Variants in RAB6B observed in about 807,000 individuals in gnomAD.
RAB6B encodes the protein ras-related protein Rab-6B.
A neutral mutation model predicts 31.2 loss-of-function variants in RAB6B; 7 were observed. The observed-to-expected ratio is 0.22, with a 90% CI of 0.13 to 0.42. The LOEUF is 0.42. Among genes scored for constraint, RAB6B ranks in the 10% least tolerant of loss-of-function variants. The probability of loss-of-function intolerance (pLI) is 1.00; values close to 1 mark genes in which losing one functional copy is unlikely to be tolerated. For missense variants in RAB6B, 149 were observed against 280.6 expected (o/e 0.53, Z 3.35); for synonymous variants, 105 against 104.9 (o/e 1.00, Z -0.01).
intron 1 of RAB6B, 149 bp from the exon 2 acceptor site, chr3:133,864,791 G>T: frequency 1.3e-6 from 1 of 777,394 alleles, no homozygotes; most frequent in Non-Finnish European, 2.2e-6. Flanking sequence ...ACAGGCCCCT[G>T]CTAGGGACCC....
intron 1 of RAB6B, among the ~76,000 whole-genome samples, chr3:133,878,298 A>G (rs1384607747): frequency 6.6e-6 from 1 of 152,224 alleles, no homozygotes; most frequent in Non-Finnish European, 1.5e-5. Flanking sequence ...AGAAAAAAAG[A>G]CACATTATGT....
chr3:133,881,770 G>A (rs886670749), intron 1 of RAB6B, among the ~76,000 whole-genome samples: 2 of 152,284 alleles, frequency 1.3e-5, no homozygotes, highest in South Asian at 4.1e-4. Flanking sequence ...GGACCAGGCT[G>A]GCTACTTAAC....
chr3:133,828,094 A>T lies in RAB6B; in HGVS notation c.*694T>A. Reference sequence around the variant, plus strand: ...AGGCTTTTCAGGGAAAGAGAAGGAGAGGTGGGAGCAGTTCCTCTGGGGGCT... The same window carrying T: ...AGGCTTTTCAGGGAAAGAGAAGGAGTGGTGGGAGCAGTTCCTCTGGGGGCT... On this transcript the variant is annotated 3_prime_UTR_variant, in exon 8 of 8. Coordinates refer to ENST00000285208, the MANE Select transcript of RAB6B (RefSeq NM_016577.4). 3 of 658,478 alleles carry T rather than the reference A, an allele frequency of 4.6e-6. No individual in the cohort carries two copies. The highest frequency in any genetic ancestry group is 5.5e-6 in the Non-Finnish European group (2 of 360,908). 40.8% of individuals were successfully genotyped at this position (658,478 alleles called of 1,614,324 possible).
intron 2 of RAB6B, among the ~76,000 whole-genome samples, chr3:133,859,537 TAC>T (rs1196435484): frequency 1.3e-5 from 2 of 152,180 alleles, no homozygotes; most frequent in Non-Finnish European, 2.9e-5. Context: ...CTACCTCACC[TAC>T]ACCAGCAAAG....
intron 7 of RAB6B, among the ~76,000 whole-genome samples, chr3:133,833,748 C>G (rs1185799425): frequency 6.6e-6 from 1 of 152,132 alleles, no homozygotes; most frequent in Non-Finnish European, 1.5e-5. Flanking sequence ...AGGGACAGGT[C>G]CACTGTAAAG....
chr3:133,828,263 G>T lies in RAB6B; in HGVS notation c.*525C>A. 1 of 469,576 alleles carries T rather than the reference G, an allele frequency of 2.1e-6. No individual in the cohort carries two copies. Among genetic ancestry groups the T allele is most frequent in the Non-Finnish European group, 3.8e-6 (1 of 262,358 alleles). 29.1% of individuals were successfully genotyped at this position (469,576 alleles called of 1,614,324 possible). ...ACCAATGTTTGATTTAACTGGAGTA[G>T]GGCCTAGAGAGTGGGGCCAGATGGC... On this transcript the variant is annotated 3_prime_UTR_variant, in exon 8 of 8. Transcript: ENST00000285208.
chr3:133,861,321 G>T (rs1242965934), intron 2 of RAB6B, among the ~76,000 whole-genome samples: 1 of 152,230 alleles, frequency 6.6e-6, no homozygotes, highest in Non-Finnish European at 1.5e-5. Context: ...GATGGGCAGG[G>T]TGTTGAGAGG....
chr3:133,885,623 A>C lies in RAB6B; in HGVS notation c.70+9774T>G. ...CCGGAAGGGCTGCCAGCAGTCCCGC[A>C]GAACACCCATGGAAGGCCAGAGCAG... On this transcript the variant is annotated intron_variant, in intron 1 of 7. Transcript: ENST00000285208. The C allele has an allele frequency of 7.1e-6, 5 of 703,036 alleles. No individual in the cohort carries two copies. In the South Asian group the frequency reaches 7.4e-5, roughly 10 times the overall value. The allele number at this position is 703,036 out of a possible 1,614,324, so 43.5% of individuals were successfully genotyped here.
Position 133,826,716 on chromosome 3 carries a change from T to A in RAB6B, c.*2072A>T, listed in dbSNP as rs1035322398. 1 of 152,660 alleles carries A rather than the reference T, an allele frequency of 6.6e-6. No homozygotes were observed. Among genetic ancestry groups the A allele is most frequent in the African/African-American group, 2.4e-5 (1 of 41,474 alleles). The allele number at this position is 152,660 out of a possible 1,614,324, so 9.5% of individuals were successfully genotyped here. A position where few individuals can be genotyped will look rare whatever the true frequency, so the allele number is the denominator to read the frequency against. ...CCGTGGGCTATGTTTGCCTGTAGTT[T>A]AACACAACTATGCATTATTTTATTG... On this transcript the variant is annotated 3_prime_UTR_variant, in exon 8 of 8. Coordinates refer to ENST00000285208, the MANE Select transcript of RAB6B (RefSeq NM_016577.4).
At chr3:133,882,797 C>A (rs1351663627) in intron 1 of RAB6B, among the ~76,000 whole-genome samples, 1 of 152,200 alleles carries the variant, frequency 6.6e-6, no homozygotes, top group Non-Finnish European at 1.5e-5. Flanking sequence ...TCTGGCCCAA[C>A]ATCTGGGGTG....
rs1213112037 is a variant in RAB6B, at chr3:133,849,840, GCTCT to G, written c.130-8181_130-8178del. 2.9e-4 allele frequency among the ~76,000 whole-genome samples: 44 copies of G among 152,322 alleles called. 1 individual carries two copies. In the South Asian group the frequency reaches 8.7e-3, roughly 30 times the overall value. On this transcript the variant is annotated intron_variant, in intron 2 of 7. Coordinates refer to ENST00000285208, the MANE Select transcript of RAB6B (RefSeq NM_016577.4). ...TTCATTTCCCAGAAGAGAAAAGTCAGCTCTCTAAGGACAGAATAGAAACAAGAAC... is the reference window on the plus strand; with the variant it reads ...TTCATTTCCCAGAAGAGAAAAGTCAGCTAAGGACAGAATAGAAACAAGAAC...
At chr3:133,872,609 C>T (rs1001564403) in intron 1 of RAB6B, among the ~76,000 whole-genome samples, 3 of 152,198 alleles carry the variant, frequency 2.0e-5, no homozygotes, top group African/African-American at 7.2e-5. Flanking sequence ...GCTATCTGCT[C>T]CACACCCTAC....
At chr3:133,880,121 A>C (rs767479503) in intron 1 of RAB6B, among the ~76,000 whole-genome samples, 2 of 152,220 alleles carry the variant, frequency 1.3e-5, no homozygotes, top group Non-Finnish European at 2.9e-5. Context: ...AATTCCCACC[A>C]CCATCTGATC....
intron 4 of RAB6B, 94 bp downstream of exon 4, chr3:133,841,179 CACACACATGCGT>C: frequency 9.8e-7 from 1 of 1,019,416 alleles, no homozygotes; most frequent in East Asian, 2.5e-5. Flanking sequence ...CATGCGTGTG[CACACACATGCGT>C]GTGCACACAC....
At chr3:133,868,503 C>T (rs1576404766) in intron 1 of RAB6B, among the ~76,000 whole-genome samples, 1 of 152,360 alleles carries the variant, frequency 6.6e-6, no homozygotes, top group Non-Finnish European at 1.5e-5. Flanking sequence ...CAAGGTCACA[C>T]CGCTGTGCTT....
At chr3:133,856,106 C>G (rs1285173227) in intron 2 of RAB6B, among the ~76,000 whole-genome samples, 3 of 152,130 alleles carry the variant, frequency 2.0e-5, no homozygotes, top group Non-Finnish European at 4.4e-5. Context: ...GATGGTAGCA[C>G]CACTCAGTGT....
rs1481079799 is a variant in RAB6B at position 133,895,793 on chromosome 3, G to C, written c.-327C>G. 6.1e-6 allele frequency: 2 copies of C among 330,356 alleles called. No homozygotes were observed. Among genetic ancestry groups the C allele is most frequent in the East Asian group, 5.4e-5 (1 of 18,670 alleles). The allele number at this position is 330,356 out of a possible 1,614,324, so 20.5% of individuals were successfully genotyped here. A position where few individuals can be genotyped will look rare whatever the true frequency, so the allele number is the denominator to read the frequency against. ...AGAGGCGCGGGCGGAGCGGGGCGCA[G>C]GGACGGCGCGCGGGGCGGAGGAGCG... On this transcript the variant is annotated 5_prime_UTR_variant, in exon 1 of 8. Coordinates refer to ENST00000285208, the MANE Select transcript of RAB6B (RefSeq NM_016577.4).
chr3:133,886,865 G>C (rs747492570), intron 1 of RAB6B, among the ~76,000 whole-genome samples: 2 of 152,196 alleles, frequency 1.3e-5, no homozygotes, highest in African/African-American at 2.4e-5. Context: ...AGATGTACTT[G>C]ATCTTCCTGG....
Position 133,828,413 on chromosome 3 carries a change from T to G in RAB6B, c.*375A>C. Reference sequence around the variant, plus strand: ...GGAAGGAGGAGGTGTGTGGAAAAGGTTCTCTATAAGTTTACAAATATACAA... The same window carrying G: ...GGAAGGAGGAGGTGTGTGGAAAAGGGTCTCTATAAGTTTACAAATATACAA... On this transcript the variant is annotated 3_prime_UTR_variant, in exon 8 of 8. Coordinates refer to ENST00000285208, the MANE Select transcript of RAB6B (RefSeq NM_016577.4). 1 of 359,290 alleles carries G rather than the reference T, an allele frequency of 2.8e-6. No homozygotes were observed. The highest frequency in any genetic ancestry group is 3.2e-5 in the South Asian group (1 of 31,506). 22.3% of individuals were successfully genotyped at this position (359,290 alleles called of 1,614,324 possible). A position where few individuals can be genotyped will look rare whatever the true frequency, so the allele number is the denominator to read the frequency against.
Sources: allele counts gnomAD v4.1 joint callset (sites outside exome capture counted in the v4.1 genomes callset), GRCh38; gene constraint gnomAD v4.1.1; transcripts MANE v1.5; gene names NCBI Gene and HGNC (gene_info 2026-07-23, HGNC 2026-07-21).